Variants in ARL6IP6 observed in about 807,000 individuals in gnomAD.
ARL6IP6 encodes ARF like GTPase 6 interacting protein 6.
Under a neutral mutation model 21.5 loss-of-function variants are expected in ARL6IP6, and 22 were observed. The ratio of observed to expected loss-of-function variants is 1.02; its 90% CI spans 0.73 to 1.46. The LOEUF (loss-of-function observed/expected upper bound fraction) is 1.46, where lower values mean the gene tolerates loss of function less well. Ranked by LOEUF, ARL6IP6 falls within the 40% of genes most tolerant of loss-of-function variation. The pLI is 0.00. For missense variants in ARL6IP6, 388 were observed against 299.8 expected (o/e 1.29, Z -2.17); for synonymous variants, 164 against 125.3 (o/e 1.31, Z -2.06).
At chr2:152,726,120 G>A (rs555605908) in intron 2 of ARL6IP6, among the ~76,000 whole-genome samples, 51 of 151,816 alleles carry the variant, frequency 3.4e-4, no homozygotes, top group Non-Finnish European at 5.7e-4. Flanking sequence ...TCCTGTGTTT[G>A]AAATGATCTG....
upstream of ARL6IP6, chr2:152,717,658 G>C (rs906625994): frequency 2.1e-6 from 3 of 1,419,952 alleles, no homozygotes; most frequent in African/African-American, 2.9e-5. Context: ...GAGGACGGAG[G>C]AAGTTTCTGC....
intron 2 of ARL6IP6, among the ~76,000 whole-genome samples, chr2:152,725,921 T>C (rs935963153): frequency 2.6e-5 from 4 of 152,142 alleles, no homozygotes; most frequent in Non-Finnish European, 5.9e-5. Flanking sequence ...TCTTCAAGTG[T>C]CATGAAAATA....
At chr2:152,735,427 A>T (rs976804595) in intron 3 of ARL6IP6, among the ~76,000 whole-genome samples, 4 of 152,222 alleles carry the variant, frequency 2.6e-5, no homozygotes, top group Non-Finnish European at 2.9e-5. Flanking sequence ...AAAACAGTTT[A>T]TAAAGGCAAA....
At chr2:152,731,588 TC>T (rs1574030393) in intron 2 of ARL6IP6, among the ~76,000 whole-genome samples, 2 of 152,292 alleles carry the variant, frequency 1.3e-5, no homozygotes, top group East Asian at 3.9e-4. Flanking sequence ...GCTCCTCTGT[TC>T]AAAAAGTACT....
chr2:152,739,827 A>C (rs1419829681), intron 3 of ARL6IP6, among the ~76,000 whole-genome samples: 1 of 152,212 alleles, frequency 6.6e-6, no homozygotes, highest in Non-Finnish European at 1.5e-5. Context: ...GAGGCCTAAC[A>C]ATCATGGCAA....
Position 152,761,178 on chromosome 2 carries a change from C to T in ARL6IP6, c.*1338C>T, listed in dbSNP as rs532128474. On this transcript the variant is annotated 3_prime_UTR_variant, in exon 4 of 4. Transcript: ENST00000326446. ...GACTAAACAAGGTTTCTAAAAGTCTCGCATTTCTTTTACTATTCAAAACTC... is the reference window on the plus strand; with the variant it reads ...GACTAAACAAGGTTTCTAAAAGTCTTGCATTTCTTTTACTATTCAAAACTC... 6 of 152,280 alleles carry T rather than the reference C, an allele frequency of 3.9e-5. No homozygotes were observed. Among genetic ancestry groups the T allele is most frequent in the Non-Finnish European group, 5.9e-5 (4 of 68,030 alleles). 9.4% of individuals were successfully genotyped at this position (152,280 alleles called of 1,614,324 possible).
Position 152,759,584 on chromosome 2 carries a change from A to G in ARL6IP6, c.588-163A>G, listed in dbSNP as rs545248348. On this transcript the variant is annotated intron_variant, in intron 3 of 3. Transcript: ENST00000326446. ...CAGGACTTAATAAGATCTATCCACTATTTATCCTGCAGATGTCCAATATTC... is the reference window on the plus strand; with the variant it reads ...CAGGACTTAATAAGATCTATCCACTGTTTATCCTGCAGATGTCCAATATTC... Among the ~76,000 whole-genome samples the G allele has an allele frequency of 2.6e-5, 4 of 152,284 alleles. 1 individual carries two copies. In the South Asian group the frequency reaches 6.2e-4, roughly 24 times the overall value.
rs1264751669 is a variant in ARL6IP6, at chr2:152,761,718, AC to A, written c.*1879del. ...GTTACAGTTGCCTGCAATATTCAGT[AC>A]AGTAACATGCAGTACAGGTTTATAG... is the stretch of plus-strand genomic sequence containing the variant. On this transcript the variant is annotated 3_prime_UTR_variant, in exon 4 of 4. Coordinates refer to ENST00000326446, the MANE Select transcript of ARL6IP6 (RefSeq NM_152522.7). Among the ~76,000 whole-genome samples the A allele has an allele frequency of 1.3e-5, 2 of 152,326 alleles. No individual in the cohort carries two copies. Among genetic ancestry groups the A allele is most frequent in the East Asian group, 3.9e-4 (2 of 5,178 alleles).
chr2:152,735,823 C>T (rs991920627), intron 3 of ARL6IP6, among the ~76,000 whole-genome samples: 5 of 89,654 alleles, frequency 5.6e-5, no homozygotes, highest in Non-Finnish European at 1.3e-4. Flanking sequence ...GTATGTTATT[C>T]TAATACTTAC....
intron 3 of ARL6IP6, among the ~76,000 whole-genome samples, chr2:152,735,602 G>C (rs17400952): frequency 0.13 from 19,532 of 152,104 alleles, 1,546 homozygotes; most frequent in Middle Eastern, 0.24. Flanking sequence ...GATGCTTTTC[G>C]TAGTGGAACA....
chr2:152,751,971 A>G (rs1056748764), intron 3 of ARL6IP6, among the ~76,000 whole-genome samples: 1 of 152,206 alleles, frequency 6.6e-6, no homozygotes, highest in East Asian at 1.9e-4. Flanking sequence ...TAATGGCTAT[A>G]TTAATTTATA....
At chr2:152,730,497 A>G (rs1700257008) in intron 2 of ARL6IP6, among the ~76,000 whole-genome samples, 1 of 152,168 alleles carries the variant, frequency 6.6e-6, no homozygotes, top group South Asian at 2.1e-4. Context: ...ATTTGGCAGT[A>G]TAGCAACCCC....
chr2:152,721,233 C>T (rs1699776221), intron 2 of ARL6IP6, among the ~76,000 whole-genome samples: 1 of 152,134 alleles, frequency 6.6e-6, no homozygotes, highest in South Asian at 2.1e-4. Flanking sequence ...AAGAGGCTTC[C>T]CACAGCTCTT....
At chr2:152,739,807 C>T (rs747035643) in intron 3 of ARL6IP6, among the ~76,000 whole-genome samples, 3 of 152,222 alleles carry the variant, frequency 2.0e-5, no homozygotes, top group African/African-American at 4.8e-5. Context: ...CACAGTTCCA[C>T]ATGGCAGGGG....
At position 152,753,877 on chromosome 2, in the gene ARL6IP6, A is replaced by G. The variant is rs184324725; in HGVS notation, c.588-5870A>G. On this transcript the variant is annotated intron_variant, in intron 3 of 3. Coordinates refer to ENST00000326446, the MANE Select transcript of ARL6IP6 (RefSeq NM_152522.7). ...ACGCCACGCCCAGCTAATTTTTTGT[A>G]TTTTTAGTAGAGACGGGGTTTCACC... is the stretch of plus-strand genomic sequence containing the variant. 9.8e-4 allele frequency among the ~76,000 whole-genome samples: 149 copies of G among 151,610 alleles called. 1 individual carries two copies. Among genetic ancestry groups the G allele is most frequent in the Non-Finnish European group, 1.8e-3 (121 of 67,878 alleles).
intron 3 of ARL6IP6, among the ~76,000 whole-genome samples, chr2:152,755,346 C>T (rs1416990535): frequency 6.6e-6 from 1 of 152,076 alleles, no homozygotes; most frequent in Admixed American, 6.5e-5. Context: ...TGTACTCCTC[C>T]ACCTCTTGTG....
At chr2:152,735,319 AG>A (rs1444622138) in intron 3 of ARL6IP6, among the ~76,000 whole-genome samples, 193 bp downstream of exon 3, 1 of 152,224 alleles carries the variant, frequency 6.6e-6, no homozygotes, top group Non-Finnish European at 1.5e-5. Flanking sequence ...TTCTATATCT[AG>A]ATAATGCTTT....
upstream of ARL6IP6, chr2:152,718,414 C>A: frequency 1.7e-6 from 1 of 604,514 alleles, no homozygotes; most frequent in Non-Finnish European, 2.5e-6. Flanking sequence ...GGCTACAGCC[C>A]TGGGGTCGAG....
At chr2:152,719,458 A>G (rs3748938) in intron 1 of ARL6IP6, among the ~76,000 whole-genome samples, 95,624 of 152,088 alleles carry the variant, frequency 0.63, 30,558 homozygotes, top group East Asian at 0.72. Context: ...TTGAGGGACA[A>G]AGATTTTCAT....
Sources: gnomAD v4.1 joint callset for allele counts (sites outside exome capture counted in the v4.1 genomes callset) on GRCh38, gnomAD v4.1.1 for gene constraint, MANE v1.5 for transcripts, NCBI Gene and HGNC (gene_info 2026-07-23, HGNC 2026-07-21) for gene names.